Variants in CRK observed in about 807,000 individuals in gnomAD.
CRK encodes adapter molecule crk.
CRK carries 4 observed loss-of-function variants against 29.8 expected under a neutral mutation model. The observed-to-expected ratio is 0.13, with a 90% CI of 0.07 to 0.31. The LOEUF (loss-of-function observed/expected upper bound fraction) is 0.31, where lower values mean the gene tolerates loss of function less well. CRK is among the 10% of genes least tolerant of loss of function. The pLI, the probability that CRK is intolerant of heterozygous loss-of-function variation, is 1.00. For missense variants in CRK, 274 were observed against 396.5 expected (o/e 0.69, Z 2.62); for synonymous variants, 153 against 164.9 (o/e 0.93, Z 0.55).
At position 1,455,415 on chromosome 17, in the gene CRK, G is replaced by A. The variant is rs551122593; in HGVS notation, c.241+462C>T. The stretch of plus-strand genomic sequence containing the variant: ...AGTATGTGGTGACTTCCTACCAAAG[G>A]CCACCAGGGGAGCACGGCCAAACCC... On this transcript the variant is annotated intron_variant, in intron 1 of 2. Transcript: ENST00000300574. 7.2e-5 allele frequency among the ~76,000 whole-genome samples: 11 copies of A among 152,270 alleles called. No homozygotes were observed. In the South Asian group the frequency reaches 2.3e-3, roughly 32 times the overall value.
At chr17:1,438,677 A>C (rs1287821769) in intron 1 of CRK, among the ~76,000 whole-genome samples, 1 of 152,164 alleles carries the variant, frequency 6.6e-6, no homozygotes, top group African/African-American at 2.4e-5. Context: ...GATCCAGAGA[A>C]AGAACATATT....
At chr17:1,432,466 G>C (rs1416601782) in intron 2 of CRK, among the ~76,000 whole-genome samples, 2 of 97,872 alleles carry the variant, frequency 2.0e-5, no homozygotes, top group African/African-American at 4.2e-5. Flanking sequence ...GACAGAGTGA[G>C]ACCTTGTCTT....
intron 2 of CRK, among the ~76,000 whole-genome samples, chr17:1,427,030 CAAAAAA>C (rs562515421): frequency 5.7e-5 from 2 of 35,288 alleles, no homozygotes; most frequent in African/African-American, 1.1e-4. Flanking sequence ...AAACTGTCTC[CAAAAAA>C]AAAAAAAAAA....
Position 1,423,487 on chromosome 17 carries a change from C to G in CRK, c.*26G>C, listed in dbSNP as rs200149433. 1 of 1,583,812 alleles carries G rather than the reference C, an allele frequency of 6.3e-7. No homozygotes were observed. Among genetic ancestry groups the G allele is most frequent in the South Asian group, 1.2e-5 (1 of 86,100 alleles). ...AAAAAAAAAAAAAGATTGTTCCCAT[C>G]TGTCAGCAAAACTGTTGAACTATAC... On this transcript the variant is annotated 3_prime_UTR_variant, in exon 3 of 3. Transcript: ENST00000300574.
rs558684127 is a variant in CRK, at chr17:1,431,070, A to ACAAG, written c.777+5549_777+5550insCTTG. On this transcript the variant is annotated intron_variant, in intron 2 of 2. Transcript: ENST00000300574. The stretch of plus-strand genomic sequence containing the variant: ...CGACAGAGTGAGACTCCGTCTCAAA[A>ACAAG]CAAACAAACAAACAAACAAACAAAT... 4.5e-3 allele frequency among the ~76,000 whole-genome samples: 661 copies of ACAAG among 146,528 alleles called. 1 individual carries two copies. The highest frequency in any genetic ancestry group is 0.016 in the African/African-American group (620 of 37,986).
intron 1 of CRK, among the ~76,000 whole-genome samples, chr17:1,454,587 G>A (rs548966458): frequency 2.6e-5 from 4 of 152,168 alleles, no homozygotes; most frequent in African/African-American, 9.7e-5. Flanking sequence ...TTTCTGGCCG[G>A]AGCGAGTAAA....
intron 2 of CRK, among the ~76,000 whole-genome samples, chr17:1,430,481 C>T (rs948932430): frequency 2.6e-4 from 40 of 151,442 alleles, no homozygotes; most frequent in Non-Finnish European, 3.5e-4. Flanking sequence ...CTCAGCCTCC[C>T]GAGTACCTGG....
intron 2 of CRK, among the ~76,000 whole-genome samples, chr17:1,428,521 CT>C (rs754259440): frequency 1.5e-3 from 169 of 111,166 alleles, no homozygotes; most frequent in East Asian, 3.5e-3. Flanking sequence ...CATATCAGAT[CT>C]TTTTTTTTTT....
intron 2 of CRK, among the ~76,000 whole-genome samples, chr17:1,431,005 T>G (rs866867526): frequency 6.6e-6 from 1 of 151,802 alleles, no homozygotes; most frequent in Admixed American, 6.6e-5. Context: ...GAGGCGGAGC[T>G]CGCAGTGAGC....
At chr17:1,429,147 C>T (rs1335154055) in intron 2 of CRK, among the ~76,000 whole-genome samples, 1 of 151,632 alleles carries the variant, frequency 6.6e-6, no homozygotes, top group African/African-American at 2.4e-5. Flanking sequence ...CGTGCCCAGC[C>T]AGATTCTCTT....
At chr17:1,450,449 GTGAGC>G (rs1250040067) in intron 1 of CRK, among the ~76,000 whole-genome samples, 38 of 152,262 alleles carry the variant, frequency 2.5e-4, no homozygotes, top group Non-Finnish European at 2.9e-5. Flanking sequence ...GGAGCTTTCA[GTGAGC>G]CGAGATCGCG....
intron 1 of CRK, among the ~76,000 whole-genome samples, chr17:1,440,247 C>A (rs555118567): frequency 5.3e-5 from 8 of 151,098 alleles, no homozygotes; most frequent in Non-Finnish European, 1.0e-4. Context: ...TGCGGTGAGC[C>A]GAGATCGCGC....
intron 2 of CRK, among the ~76,000 whole-genome samples, chr17:1,429,720 G>A (rs2073819716): frequency 1.3e-5 from 2 of 151,980 alleles, no homozygotes; most frequent in Non-Finnish European, 2.9e-5. Flanking sequence ...CCTGAAGCCA[G>A]GAGTTCAAGA....
At chr17:1,432,015 T>C (rs2073848627) in intron 2 of CRK, among the ~76,000 whole-genome samples, 1 of 152,210 alleles carries the variant, frequency 6.6e-6, no homozygotes, top group South Asian at 2.1e-4. Flanking sequence ...ACAAGGTAGT[T>C]AACCTTTCTT....
chr17:1,436,328 G>C (rs564494340), intron 2 of CRK, among the ~76,000 whole-genome samples: 7 of 152,268 alleles, frequency 4.6e-5, no homozygotes, highest in Admixed American at 3.9e-4. Flanking sequence ...TGTAGATGAG[G>C]AAAAACATTT....
chr17:1,424,629 C>T, intron 2 of CRK: 1 of 152,434 alleles, frequency 6.6e-6, no homozygotes, highest in Non-Finnish European at 1.5e-5. Flanking sequence ...CCACTGCCTG[C>T]CCAGCCCCCA....
At chr17:1,440,803 C>T (rs2073929351) in intron 1 of CRK, among the ~76,000 whole-genome samples, 1 of 152,192 alleles carries the variant, frequency 6.6e-6, no homozygotes, top group South Asian at 2.1e-4. Flanking sequence ...TCTCGAGAAG[C>T]TGAGGTGGGA....
intron 2 of CRK, chr17:1,424,516 C>G (rs1279663327): frequency 6.6e-6 from 1 of 152,244 alleles, no homozygotes; most frequent in African/African-American, 2.4e-5. Context: ...CACCTCCTGA[C>G]CCAGGCAAGC....
chr17:1,441,825 G>C (rs1361179146), intron 1 of CRK, among the ~76,000 whole-genome samples: 1 of 151,652 alleles, frequency 6.6e-6, no homozygotes, highest in Non-Finnish European at 1.5e-5. Flanking sequence ...TTTTTATAGA[G>C]ACAGTGTCTT....
Sources: gnomAD v4.1 joint callset for allele counts (sites outside exome capture counted in the v4.1 genomes callset) on GRCh38, gnomAD v4.1.1 for gene constraint, MANE v1.5 for transcripts, NCBI Gene and HGNC (gene_info 2026-07-23, HGNC 2026-07-21) for gene names.